The following DPYD variants were observed in gnomAD, a reference collection of about 807,000 sequenced individuals.
The protein encoded by DPYD is dihydropyrimidine dehydrogenase [NADP(+)].
A neutral mutation model predicts 116.2 loss-of-function variants in DPYD; 109 were observed. The observed-to-expected ratio is 0.94, with a 90% CI of 0.80 to 1.10. DPYD has a LOEUF of 1.10. Among genes scored for constraint, DPYD ranks in the 50% least tolerant of loss-of-function variants. DPYD has a pLI of 0.00. For synonymous variants in DPYD, 440 were observed against 432.0 expected, an observed-to-expected ratio of 1.02 and a Z score of -0.23; for missense variants, 1,302 against 1,254.5, an observed-to-expected ratio of 1.04 and a Z score of -0.57.
rs553142252 is a variant in DPYD at position 97,777,973 on chromosome 1, C to A, written c.234-37494G>T. 1.3e-3 allele frequency among the ~76,000 whole-genome samples: 200 copies of A among 151,848 alleles called. 1 individual carries two copies. Among genetic ancestry groups the A allele is most frequent in the Admixed American group, 3.5e-3 (53 of 15,230 alleles). On this transcript the variant is annotated intron_variant, in intron 3 of 22. Transcript: ENST00000370192. The stretch of plus-strand genomic sequence containing the variant: ...AGGAGTTTGAGACCAGCCTGGCCAA[C>A]ATGGTGCAACCCCATCTCTACTAAA...
At chr1:97,315,289 C>T (rs1300222080) in intron 16 of DPYD, among the ~76,000 whole-genome samples, 1 of 151,824 alleles carries the variant, frequency 6.6e-6, no homozygotes, top group East Asian at 2.0e-4. Context: ...GGTCATGCTC[C>T]TTTCAGGGAG....
In DPYD at chr1:97,910,086, C is replaced by T. The variant is rs532598679; in HGVS notation, c.39+10798G>A. Among the ~76,000 whole-genome samples the T allele has an allele frequency of 5.3e-5, 8 of 152,154 alleles. No homozygotes were observed. The South Asian group carries it at 1.2e-3, about 24-fold the overall frequency. ...TCTACAGGGAGGCCTTCTCTGACTA[C>T]CATGTGAAAAAAGACCCTACTAGCC... On this transcript the variant is annotated intron_variant, in intron 1 of 22. Transcript: ENST00000370192.
chr1:97,628,965 C>T (rs937078020), intron 8 of DPYD, among the ~76,000 whole-genome samples: 1 of 151,982 alleles, frequency 6.6e-6, no homozygotes, highest in Admixed American at 6.6e-5. Context: ...AGAACCCAGA[C>T]TCATAATGAT....
intron 16 of DPYD, among the ~76,000 whole-genome samples, chr1:97,366,463 C>T (rs1671046455): frequency 6.6e-6 from 1 of 152,094 alleles, no homozygotes; most frequent in Admixed American, 6.6e-5. Context: ...CTTCATGGAA[C>T]TATGTTATTT....
At chr1:97,515,968 T>A (rs1458135265) in intron 12 of DPYD, 27 bp from the exon 13 acceptor site, 1 of 1,593,254 alleles carries the variant, frequency 6.3e-7, no homozygotes, top group Non-Finnish European at 8.6e-7. Flanking sequence ...AATACTTGGT[T>A]TCATATTACA....
intron 10 of DPYD, among the ~76,000 whole-genome samples, chr1:97,583,216 G>A (rs1005897023): frequency 5.9e-5 from 9 of 152,060 alleles, no homozygotes; most frequent in East Asian, 1.9e-4. Context: ...TGATCCACCC[G>A]CCCCGGCTTC....
chr1:97,401,908 C>T lies in DPYD; in HGVS notation c.1906-19447G>A, dbSNP rs1033388781. 1.6e-4 allele frequency among the ~76,000 whole-genome samples: 25 copies of T among 152,118 alleles called. 1 individual carries two copies. Among genetic ancestry groups the T allele is most frequent in the African/African-American group, 6.0e-4 (25 of 41,446 alleles). On this transcript the variant is annotated intron_variant, in intron 14 of 22. Transcript: ENST00000370192. ...ATGTATTCTCCACTGAAGTGTCTTA[C>T]TGCTTTGTCAAAAATCAGTTGATTT...
intron 18 of DPYD, among the ~76,000 whole-genome samples, chr1:97,235,305 T>C (rs1045111289): frequency 3.9e-5 from 6 of 152,204 alleles, no homozygotes; most frequent in Non-Finnish European, 7.3e-5. Flanking sequence ...CAATTGGATA[T>C]ACAGTAATGT....
chr1:97,774,464 T>C (rs1294121675), intron 3 of DPYD, among the ~76,000 whole-genome samples: 1 of 152,162 alleles, frequency 6.6e-6, no homozygotes, highest in Admixed American at 6.5e-5. Flanking sequence ...CTAGGTAAAA[T>C]GAGCATTTCA....
Position 97,549,548 on chromosome 1 carries a change from G to A in DPYD, c.1524+12C>T. ...GGAAAAGAATTAAGTGGAAATGATG[G>A]CAAATGCCTACCTGTACGTATTTGT... On this transcript the variant is annotated intron_variant, in intron 12 of 22. Transcript: ENST00000370192. 2 of 1,613,354 alleles carry A rather than the reference G, an allele frequency of 1.2e-6. No homozygotes were observed. The highest frequency in any genetic ancestry group is 1.7e-5 in the Admixed American group (1 of 59,970).
At chr1:97,530,482 G>T (rs571159550) in intron 12 of DPYD, among the ~76,000 whole-genome samples, 44 of 152,242 alleles carry the variant, frequency 2.9e-4, no homozygotes, top group Middle Eastern at 3.4e-3. Context: ...CTCCCAAAGG[G>T]CTGGGATTAC....
chr1:97,852,009 G>A, intron 2 of DPYD, among the ~76,000 whole-genome samples: 1 of 135,374 alleles, frequency 7.4e-6, no homozygotes, highest in Non-Finnish European at 1.6e-5. Flanking sequence ...ACATACCAGA[G>A]ACTGTGCAAT....
intron 16 of DPYD, among the ~76,000 whole-genome samples, chr1:97,358,981 A>C (rs1021558640): frequency 5.9e-5 from 9 of 152,196 alleles, no homozygotes; most frequent in Non-Finnish European, 8.8e-5. Flanking sequence ...TGACAGAAGT[A>C]GGCTTCAGAA....
At chr1:97,292,360 G>A (rs77472302) in intron 18 of DPYD, among the ~76,000 whole-genome samples, 8 of 152,154 alleles carry the variant, frequency 5.3e-5, no homozygotes, top group Admixed American at 5.2e-4. Context: ...GTCAGAACGG[G>A]AAGCAAACAT....
intron 20 of DPYD, among the ~76,000 whole-genome samples, chr1:97,103,467 A>G (rs1283457147): frequency 6.6e-6 from 1 of 152,146 alleles, no homozygotes; most frequent in Non-Finnish European, 1.5e-5. Flanking sequence ...ACACGTTACC[A>G]TAGTGCTATG....
intron 2 of DPYD, among the ~76,000 whole-genome samples, chr1:97,875,145 A>G (rs893073715): frequency 1.3e-5 from 2 of 152,108 alleles, no homozygotes; most frequent in Admixed American, 6.6e-5. Flanking sequence ...TGTTGTTGAT[A>G]ATAGCATTTT....
In DPYD at chr1:97,134,015, ATATATAT is replaced by A. The variant is rs1238489100; in HGVS notation, c.2623-35390_2623-35384del. ...CTCTGTTTCAAAAAAAAAAAAAAAA[ATATATAT>A]ATATATATATATATATATATATATA... On this transcript the variant is annotated intron_variant, in intron 20 of 22. Transcript: ENST00000370192. Among the ~76,000 whole-genome samples, 152 of 18,966 alleles carry A rather than the reference ATATATAT, an allele frequency of 8.0e-3. 21 individuals are homozygous for A. The highest frequency in any genetic ancestry group is 0.011 in the Admixed American group (13 of 1,178). The allele number at this position is 18,966 out of a possible 152,430, so 12.4% of individuals were successfully genotyped here.
intron 20 of DPYD, among the ~76,000 whole-genome samples, chr1:97,121,008 A>G (rs1652386042): frequency 6.6e-6 from 1 of 152,184 alleles, no homozygotes; most frequent in South Asian, 2.1e-4. Context: ...GTTTTCTGTC[A>G]GGGGATCATA....
At chr1:97,140,349 C>T (rs1302126683) in intron 20 of DPYD, among the ~76,000 whole-genome samples, 5 of 151,984 alleles carry the variant, frequency 3.3e-5, no homozygotes, top group African/African-American at 1.2e-4. Flanking sequence ...AAAGCCCTGC[C>T]AAGGAGAGGT....
Sources: allele counts gnomAD v4.1 joint callset (sites outside exome capture counted in the v4.1 genomes callset), GRCh38; gene constraint gnomAD v4.1.1; transcripts MANE v1.5; gene names NCBI Gene and HGNC (gene_info 2026-07-23, HGNC 2026-07-21).